GABRB3: variants seen among roughly 807,000 people sequenced by gnomAD.
The protein encoded by GABRB3 is gamma-aminobutyric acid receptor subunit beta-3.
Under a neutral mutation model 52.1 loss-of-function variants are expected in GABRB3, and 14 were observed. That is an observed-to-expected ratio of 0.27 (90% CI 0.18 to 0.42). The LOEUF (loss-of-function observed/expected upper bound fraction) is 0.42, where lower values mean the gene tolerates loss of function less well. Among genes scored for constraint, GABRB3 ranks in the 10% least tolerant of loss-of-function variants. The pLI, the probability that GABRB3 is intolerant of heterozygous loss-of-function variation, is 1.00. For synonymous variants in GABRB3, 260 were observed against 232.3 expected, an observed-to-expected ratio of 1.12 and a Z score of -1.08; for missense variants, 307 against 609.1, an observed-to-expected ratio of 0.50 and a Z score of 5.22.
intron 3 of GABRB3, among the ~76,000 whole-genome samples, chr15:26,748,683 GT>G (rs1165511458): frequency 1.3e-5 from 2 of 152,042 alleles, no homozygotes; most frequent in Non-Finnish European, 2.9e-5. Context: ...ATTGGTTTTT[GT>G]TTTCAATTTC....
At chr15:26,576,691 C>G (rs886386259) in intron 6 of GABRB3, among the ~76,000 whole-genome samples, 1 of 152,002 alleles carries the variant, frequency 6.6e-6, no homozygotes, top group Non-Finnish European at 1.5e-5. Context: ...CTGCAGTTTT[C>G]ATAAGGGAAA....
intron 3 of GABRB3, among the ~76,000 whole-genome samples, chr15:26,763,917 G>A (rs1050318449): frequency 9.2e-5 from 14 of 151,370 alleles, no homozygotes; most frequent in East Asian, 1.9e-4. Context: ...AGGCCGAGGC[G>A]GGTGGATCAC....
chr15:26,616,141 G>T, intron 4 of GABRB3: 1 of 1,214,082 alleles, frequency 8.2e-7, no homozygotes, highest in Non-Finnish European at 1.1e-6. Flanking sequence ...CATCCAGCCA[G>T]TGCAACAGTA....
intron 3 of GABRB3, among the ~76,000 whole-genome samples, chr15:26,636,524 C>T (rs774253484): frequency 3.9e-5 from 6 of 152,194 alleles, no homozygotes; most frequent in Non-Finnish European, 8.8e-5. Context: ...ACTCTTTCCA[C>T]CAGACCCTGG....
At position 26,582,871 on chromosome 15, in the gene GABRB3, G is replaced by A. The variant is rs534618503; in HGVS notation, c.544+461C>T. Among the ~76,000 whole-genome samples the A allele has an allele frequency of 1.4e-4, 21 of 152,224 alleles. No individual in the cohort carries two copies. The South Asian group carries it at 2.3e-3, about 17-fold the overall frequency. Reference sequence around the variant, plus strand: ...GGATGCAGTTCTCATCTCTCATATAGGAGTACTCAATGCTGAATTATCAAT... The same window carrying A: ...GGATGCAGTTCTCATCTCTCATATAAGAGTACTCAATGCTGAATTATCAAT... On this transcript the variant is annotated intron_variant, in intron 5 of 8. Transcript: ENST00000311550.
intron 3 of GABRB3, among the ~76,000 whole-genome samples, chr15:26,740,720 C>T (rs976238378): frequency 6.6e-6 from 1 of 152,222 alleles, no homozygotes; most frequent in Non-Finnish European, 1.5e-5. Flanking sequence ...TTCACAGTAT[C>T]AGGCAATAGG....
At chr15:26,548,279 T>G (rs1889336105) in intron 8 of GABRB3, 145 bp from the exon 9 acceptor site, 2 of 742,730 alleles carry the variant, frequency 2.7e-6, no homozygotes, top group African/African-American at 1.7e-5. Flanking sequence ...TCCGTTTTAT[T>G]GGAAAATGTC....
At chr15:26,556,215 T>A (rs1005102252) in intron 8 of GABRB3, among the ~76,000 whole-genome samples, 2 of 152,226 alleles carry the variant, frequency 1.3e-5, no homozygotes, top group African/African-American at 2.4e-5. Flanking sequence ...CCTTGACAGG[T>A]GCAAACATTC....
intron 3 of GABRB3, chr15:26,749,799 T>A (rs1378653151): frequency 6.6e-6 from 1 of 152,242 alleles, no homozygotes; most frequent in Non-Finnish European, 1.5e-5. Context: ...TTGTCAGCAG[T>A]GTCAGGTTGC....
At chr15:26,569,987 T>A (rs1215749916) in intron 6 of GABRB3, among the ~76,000 whole-genome samples, 2 of 152,242 alleles carry the variant, frequency 1.3e-5, no homozygotes, top group Non-Finnish European at 2.9e-5. Flanking sequence ...TGAAACACTT[T>A]ATATGCTAAT....
intron 4 of GABRB3, chr15:26,615,854 G>GC: frequency 8.1e-7 from 1 of 1,228,606 alleles, no homozygotes; most frequent in South Asian, 1.4e-5. Flanking sequence ...CAGTCTGAAG[G>GC]TCTCAGTGAT....
chr15:26,635,022 T>G (rs1417290496), intron 3 of GABRB3, among the ~76,000 whole-genome samples: 9 of 132,796 alleles, frequency 6.8e-5, no homozygotes, highest in Admixed American at 3.0e-4. Context: ...TATATATATA[T>G]TTAGAGAGGA....
In GABRB3 at chr15:26,644,719, G is replaced by A. The variant is rs79471350; in HGVS notation, c.241-23185C>T. Among the ~76,000 whole-genome samples, 669 of 152,316 alleles carry A rather than the reference G, an allele frequency of 4.4e-3. 2 individuals are homozygous for A. Among genetic ancestry groups the A allele is most frequent in the African/African-American group, 0.015 (634 of 41,568 alleles). On this transcript the variant is annotated intron_variant, in intron 3 of 8. Coordinates refer to ENST00000311550, the MANE Select transcript of GABRB3 (RefSeq NM_000814.6). ...GCAGCCCATGAGGAGTGGTGACAGT[G>A]ACAGTCAGACATGGCTGTGTTGGGG... is the stretch of plus-strand genomic sequence containing the variant.
At position 26,670,518 on chromosome 15, in the gene GABRB3, CCA is replaced by C. The variant is rs1369935357; in HGVS notation, c.241-48986_241-48985del. 2.0e-5 allele frequency among the ~76,000 whole-genome samples: 3 copies of C among 152,172 alleles called. 1 individual carries two copies. ...GGGAGGAAGGGAAGAGAAGAGGAGC[CCA>C]GGCCCGTGCCGACCGCAGCTCCACG... On this transcript the variant is annotated intron_variant, in intron 3 of 8. Transcript: ENST00000311550.
intron 8 of GABRB3, among the ~76,000 whole-genome samples, chr15:26,554,191 C>A (rs56172132): frequency 0.37 from 5,472 of 14,974 alleles, 1,008 homozygotes; most frequent in Middle Eastern, 0.5. Flanking sequence ...TATATATATA[C>A]TATATATATA....
intron 8 of GABRB3, among the ~76,000 whole-genome samples, chr15:26,551,836 GGAATGGACC>G (rs1270343679): frequency 6.6e-6 from 1 of 151,936 alleles, no homozygotes; most frequent in Non-Finnish European, 1.5e-5. Flanking sequence ...CTTGGAGATG[GGAATGGACC>G]GAGATCACAC....
At chr15:26,690,066 CTCTT>C (rs1360163774) in intron 3 of GABRB3, among the ~76,000 whole-genome samples, 1 of 149,666 alleles carries the variant, frequency 6.7e-6, no homozygotes, top group Non-Finnish European at 1.5e-5. Flanking sequence ...CTAGATACAG[CTCTT>C]TTTTTTACCA....
intron 3 of GABRB3, among the ~76,000 whole-genome samples, chr15:26,725,535 T>C (rs1440474196): frequency 6.6e-6 from 1 of 152,270 alleles, no homozygotes; most frequent in East Asian, 1.9e-4. Flanking sequence ...GATGCTTACA[T>C]GCAAATTACT....
chr15:26,703,793 G>A (rs149952349), intron 3 of GABRB3, among the ~76,000 whole-genome samples: 1 of 152,330 alleles, frequency 6.6e-6, no homozygotes, highest in African/African-American at 2.4e-5. Context: ...TAAGACTGAA[G>A]AACAATCTTT....
Sources: gnomAD v4.1 joint callset for allele counts (sites outside exome capture counted in the v4.1 genomes callset) on GRCh38, gnomAD v4.1.1 for gene constraint, MANE v1.5 for transcripts, NCBI Gene and HGNC (gene_info 2026-07-23, HGNC 2026-07-21) for gene names.